Variants in PLEK2 observed in about 807,000 individuals in gnomAD.
The protein encoded by PLEK2 is pleckstrin-2.
PLEK2 carries 29 observed loss-of-function variants against 43.8 expected under a neutral mutation model. The observed-to-expected ratio is 0.66, with a 90% CI of 0.49 to 0.90. The LOEUF (loss-of-function observed/expected upper bound fraction) is 0.90. Ranked by LOEUF, PLEK2 falls within the 40% of genes least tolerant of loss-of-function variation. The probability of loss-of-function intolerance (pLI) is 0.00; values close to 1 mark genes in which losing one functional copy is unlikely to be tolerated. For synonymous variants in PLEK2, 162 were observed against 173.2 expected (o/e 0.94, Z 0.51); for missense variants, 398 against 448.1 (o/e 0.89, Z 1.01).
At chr14:67,410,703 G>T (rs772895353) in intron 1 of PLEK2, among the ~76,000 whole-genome samples, 5 of 152,136 alleles carry the variant, frequency 3.3e-5, no homozygotes, top group Non-Finnish European at 7.3e-5. Context: ...CAGCCACCCC[G>T]GGAGGCAATG....
Position 67,395,593 on chromosome 14 carries a change from G to T in PLEK2, c.208-10C>A. On this transcript the variant is annotated splice_polypyrimidine_tract_variant and intron_variant, in intron 2 of 8. Coordinates refer to ENST00000216446, the MANE Select transcript of PLEK2 (RefSeq NM_016445.3). Reference sequence around the variant, plus strand: ...TCAGCTTAATGAGGAGCTGTGGGAAGAGAGAGCCAGTCAGGCCAGCACTCA... The same window carrying T: ...TCAGCTTAATGAGGAGCTGTGGGAATAGAGAGCCAGTCAGGCCAGCACTCA... The T allele has an allele frequency of 6.2e-7, 1 of 1,609,660 alleles. No individual in the cohort carries two copies. The highest frequency in any genetic ancestry group is 8.5e-7 in the Non-Finnish European group (1 of 1,176,156).
chr14:67,407,184 C>A (rs1221469025), intron 1 of PLEK2, among the ~76,000 whole-genome samples: 1 of 151,946 alleles, frequency 6.6e-6, no homozygotes. Context: ...TGCTGTGGTG[C>A]GATCTCAGCT....
chr14:67,412,010 G>A lies in PLEK2; in HGVS notation c.42+8C>T, dbSNP rs780843142. 1.9e-6 allele frequency: 3 copies of A among 1,547,880 alleles called. No individual in the cohort carries two copies. The highest frequency in any genetic ancestry group is 2.4e-5 in the South Asian group (2 of 83,546). ...CGGGCAATGTCCCGAAGCTCGACGC[G>A]CACTCACCCTCTTGACCAGGAAGCC... On this transcript the variant is annotated splice_region_variant and intron_variant, in intron 1 of 8. Coordinates refer to ENST00000216446, the MANE Select transcript of PLEK2 (RefSeq NM_016445.3).
chr14:67,407,007 T>C (rs1374143769), intron 1 of PLEK2, among the ~76,000 whole-genome samples: 2 of 152,088 alleles, frequency 1.3e-5, no homozygotes, highest in African/African-American at 2.4e-5. Flanking sequence ...TGGATCCCTT[T>C]TGGAGAGAAG....
Position 67,390,736 on chromosome 14 carries a change from CTCT to C in PLEK2, c.779_781del (p.Lys260del). ...AAAGCGACGCACCTTCCAGTTTTTC[CTCT>C]TGTGTCCCTGAGGCAAAGAAATGGT... On this transcript the variant is annotated inframe_deletion, in exon 7 of 9. Transcript: ENST00000216446. 1.9e-6 allele frequency: 3 copies of C among 1,612,200 alleles called. No individual in the cohort carries two copies. The highest frequency in any genetic ancestry group is 2.2e-5 in the South Asian group (2 of 91,050).
rs150481521 is a variant in PLEK2 at position 67,395,393 on chromosome 14, G to A, written c.389+9C>T. ...GGCTGCCACAGAGCCCGGCAAGTGGGGCACTCACTGCAGGCTGATGTGCGG... is the reference window on the plus strand; with the variant it reads ...GGCTGCCACAGAGCCCGGCAAGTGGAGCACTCACTGCAGGCTGATGTGCGG... On this transcript the variant is annotated intron_variant, in intron 3 of 8. Coordinates refer to ENST00000216446, the MANE Select transcript of PLEK2 (RefSeq NM_016445.3). 3.5e-3 allele frequency: 5,669 copies of A among 1,612,500 alleles called. 18 individuals are homozygous for A. Among genetic ancestry groups the A allele is most frequent in the Non-Finnish European group, 3.8e-3 (4,430 of 1,179,014 alleles).
intron 1 of PLEK2, among the ~76,000 whole-genome samples, chr14:67,405,854 T>C (rs2086075004): frequency 6.6e-6 from 1 of 152,184 alleles, no homozygotes; most frequent in Non-Finnish European, 1.5e-5. Context: ...AGCCTTCAGG[T>C]GACTGTCACT....
intron 6 of PLEK2, 146 bp downstream of exon 6, chr14:67,392,180 G>A (rs2085974006): frequency 3.1e-6 from 2 of 644,398 alleles, no homozygotes; most frequent in Non-Finnish European, 5.6e-6. Context: ...TGCTCCTGGA[G>A]GCTGGTGCTG....
In PLEK2 at chr14:67,395,541, G is replaced by C. The variant is rs752153183; in HGVS notation, c.250C>G (p.Leu84Val). The C allele has an allele frequency of 5.3e-5, 85 of 1,614,058 alleles. No homozygotes were observed. The highest frequency in any genetic ancestry group is 7.0e-5 in the Non-Finnish European group (83 of 1,179,998). ...LKTQTSTEYF[L>V]EACSREERDA... The stretch of plus-strand genomic sequence containing the variant: ...CGCTCCTCTCGAGAACAGGCCTCCA[G>C]GAAGTACTCCGTGGATGTTTGAGTC... The change falls in exon 3 of 9, where the codon CTG becomes GTG. Residue 84 changes from leucine to valine, a missense_variant. By Grantham distance (32) the Leu-to-Val change is conservative (BLOSUM62 1). Transcript: ENST00000216446.
chr14:67,402,409 C>T (rs1159536736), intron 1 of PLEK2, among the ~76,000 whole-genome samples: 1 of 152,140 alleles, frequency 6.6e-6, no homozygotes, highest in Non-Finnish European at 1.5e-5. Context: ...AAGCATTTAT[C>T]CTTTGTGTTA....
At chr14:67,392,257 T>A in intron 6 of PLEK2, 69 bp downstream of exon 6, 1 of 1,051,520 alleles carries the variant, frequency 9.5e-7, no homozygotes, top group Admixed American at 1.7e-5. Context: ...TCCCTTCTTC[T>A]GGGCTCACTG....
chr14:67,393,666 C>T (rs1481001198), intron 3 of PLEK2, among the ~76,000 whole-genome samples: 1 of 152,072 alleles, frequency 6.6e-6, no homozygotes, highest in Non-Finnish European at 1.5e-5. Flanking sequence ...GTTGACCAGG[C>T]TGGTCTCGAA....
intron 7 of PLEK2, among the ~76,000 whole-genome samples, chr14:67,389,321 CAGGG>C (rs2085950525): frequency 1.3e-5 from 2 of 152,212 alleles, no homozygotes; most frequent in South Asian, 4.1e-4. Flanking sequence ...AGGGCAGTCT[CAGGG>C]AGGACAGGAG....
At chr14:67,407,412 C>T (rs189272138) in intron 1 of PLEK2, among the ~76,000 whole-genome samples, 285 of 151,884 alleles carry the variant, frequency 1.9e-3, no homozygotes, top group African/African-American at 6.4e-3. Flanking sequence ...TGAGCCACCA[C>T]GCCCAGCCCC....
At chr14:67,397,847 C>A in intron 1 of PLEK2, 21 bp from the exon 2 acceptor site, 1 of 1,592,722 alleles carries the variant, frequency 6.3e-7, no homozygotes, top group Non-Finnish European at 8.6e-7. Flanking sequence ...ACAAGAAAGC[C>A]CTGAGGTGAG....
chr14:67,392,328 G>C lies in PLEK2; in HGVS notation c.769C>G (p.Gln257Glu), dbSNP rs758745359. 5 of 1,589,618 alleles carry C rather than the reference G, an allele frequency of 3.1e-6. No homozygotes were observed. The highest frequency in any genetic ancestry group is 4.3e-6 in the Non-Finnish European group (5 of 1,157,634). The change falls in exon 6 of 9, where the codon CAG (glutamine) becomes GAG (glutamate). Residue 257 changes from glutamine to glutamate, a missense_variant and splice_region_variant. By Grantham distance (29) the Gln-to-Glu change is conservative (BLOSUM62 2). Coordinates refer to ENST00000216446, the MANE Select transcript of PLEK2 (RefSeq NM_016445.3). ...TVVKQGYLAK[Q>E]GHKRKNWKVR... is the part of the protein sequence containing the mutation. ...TTCCCTGCTCATAGCAGCCATACCT[G>C]CTTGGCCAGGTAGCCTTGTTTCACC...
At position 67,412,142 on chromosome 14, in the gene PLEK2, C is replaced by T. The variant is rs1326356356; in HGVS notation, c.-83G>A. ...TCGGCACCCGCGCAGCCCGCGCAGT[C>T]CGCGCCCACGGCGCCCAGGAAGCAG... On this transcript the variant is annotated 5_prime_UTR_variant, in exon 1 of 9. Transcript: ENST00000216446. 1 of 1,250,964 alleles carries T rather than the reference C, an allele frequency of 8.0e-7. No homozygotes were observed. Among genetic ancestry groups the T allele is most frequent in the African/African-American group, 1.6e-5 (1 of 62,942 alleles). 77.5% of individuals were successfully genotyped at this position (1,250,964 alleles called of 1,614,324 possible). A position where few individuals can be genotyped will look rare whatever the true frequency, so the allele number is the denominator to read the frequency against.
chr14:67,402,670 C>T (rs1424847876), intron 1 of PLEK2, among the ~76,000 whole-genome samples: 1 of 152,194 alleles, frequency 6.6e-6, no homozygotes, highest in Non-Finnish European at 1.5e-5. Context: ...TAAGTGAGAA[C>T]ATGTGACATT....
intron 7 of PLEK2, among the ~76,000 whole-genome samples, chr14:67,388,723 AGGCT>A (rs1566621998): frequency 6.6e-6 from 1 of 152,144 alleles, no homozygotes; most frequent in Non-Finnish European, 1.5e-5. Flanking sequence ...TCTGTCTTTC[AGGCT>A]GGAGTGCAGA....
Sources: allele counts gnomAD v4.1 joint callset (sites outside exome capture counted in the v4.1 genomes callset), GRCh38; gene constraint gnomAD v4.1.1; transcripts MANE v1.5; gene names NCBI Gene and HGNC (gene_info 2026-07-23, HGNC 2026-07-21).